The following ZNF521 variants were observed in gnomAD, a reference collection of about 807,000 sequenced individuals.
ZNF521 encodes LYST-interacting protein 3.
Under a neutral mutation model 105.5 loss-of-function variants are expected in ZNF521, and 14 were observed. The observed-to-expected ratio is 0.13, with a 90% confidence interval of 0.09 to 0.21. The LOEUF (loss-of-function observed/expected upper bound fraction) is 0.21. Ranked by LOEUF, ZNF521 falls within the 10% of genes least tolerant of loss-of-function variation. The probability of loss-of-function intolerance (pLI) is 1.00; values close to 1 mark genes in which losing one functional copy is unlikely to be tolerated. For missense variants in ZNF521, 1,233 were observed against 1,629.7 expected (o/e 0.76, Z 4.19); for synonymous variants, 635 against 606.0 (o/e 1.05, Z -0.70).
intron 3 of ZNF521, among the ~76,000 whole-genome samples, chr18:25,249,449 G>A (rs1465641373): frequency 1.3e-5 from 2 of 148,822 alleles, no homozygotes; most frequent in Non-Finnish European, 1.5e-5. Flanking sequence ...GAGCCACCAC[G>A]CCGGGCCTTT....
At chr18:25,147,045 C>T (rs1182147870) in intron 5 of ZNF521, among the ~76,000 whole-genome samples, 1 of 152,142 alleles carries the variant, frequency 6.6e-6, no homozygotes, top group Admixed American at 6.6e-5. Flanking sequence ...TTTTCTTCTT[C>T]TGAAAGTTTG....
intron 6 of ZNF521, 88 bp downstream of exon 6, chr18:25,091,862 G>T (rs967971868): frequency 2.0e-6 from 3 of 1,497,310 alleles, no homozygotes; most frequent in African/African-American, 2.8e-5. Flanking sequence ...TCTGTAAAAG[G>T]CCATAGCAGT....
At chr18:25,313,292 C>T (rs1912422577) in intron 3 of ZNF521, among the ~76,000 whole-genome samples, 1 of 151,684 alleles carries the variant, frequency 6.6e-6, no homozygotes, top group South Asian at 2.1e-4. Flanking sequence ...CTAATTCATG[C>T]AAAATCCTCA....
intron 3 of ZNF521, among the ~76,000 whole-genome samples, chr18:25,321,248 A>G (rs1029030746): frequency 6.6e-6 from 1 of 152,238 alleles, no homozygotes; most frequent in Non-Finnish European, 1.5e-5. Flanking sequence ...TGCCCTACCC[A>G]GGCTCAGAGA....
chr18:25,117,878 G>C (rs1168641078), intron 5 of ZNF521, among the ~76,000 whole-genome samples: 1 of 151,988 alleles, frequency 6.6e-6, no homozygotes, highest in Admixed American at 6.6e-5. Flanking sequence ...CAACTCTACA[G>C]ACTCATGAAT....
chr18:25,093,263 A>C (rs2033785636), intron 5 of ZNF521, among the ~76,000 whole-genome samples: 1 of 152,150 alleles, frequency 6.6e-6, no homozygotes, highest in Non-Finnish European at 1.5e-5. Context: ...ATGGTGGAGC[A>C]CACACCCACT....
intron 2 of ZNF521, among the ~76,000 whole-genome samples, chr18:25,347,666 C>T (rs1396590953): frequency 1.3e-5 from 2 of 152,144 alleles, no homozygotes; most frequent in East Asian, 3.8e-4. Context: ...ATAATTATTC[C>T]TTCAGGGTAC....
In ZNF521 at chr18:25,335,677, T is replaced by C. The variant is rs1913834502; in HGVS notation, c.41-13490A>G. Among the ~76,000 whole-genome samples, 6 of 152,332 alleles carry C rather than the reference T, an allele frequency of 3.9e-5. No individual in the cohort carries two copies. The South Asian group carries it at 1.0e-3, about 26-fold the overall frequency. On this transcript the variant is annotated intron_variant, in intron 2 of 7. Coordinates refer to ENST00000361524, the MANE Select transcript of ZNF521 (RefSeq NM_015461.3). Reference sequence around the variant, plus strand: ...TCTCTCACTTCATTTAGCATTAAGGTTGAAGAAAAAAGTATAAATGGCTAT... The same window carrying C: ...TCTCTCACTTCATTTAGCATTAAGGCTGAAGAAAAAAGTATAAATGGCTAT...
intron 7 of ZNF521, among the ~76,000 whole-genome samples, chr18:25,064,335 T>C (rs4366790): frequency 0.99 from 150,231 of 152,360 alleles, 74,096 homozygotes; most frequent in East Asian, 1. Context: ...GGATCCAGCA[T>C]ACTGACAGCC....
At chr18:25,216,670 C>T (rs1905345147) in intron 4 of ZNF521, among the ~76,000 whole-genome samples, 1 of 152,146 alleles carries the variant, frequency 6.6e-6, no homozygotes, top group Admixed American at 6.5e-5. Flanking sequence ...GCAATCCTCC[C>T]ACTTCAGCCT....
chr18:25,336,766 C>T (rs1174423759), intron 2 of ZNF521, among the ~76,000 whole-genome samples: 1 of 152,102 alleles, frequency 6.6e-6, no homozygotes. Flanking sequence ...CATAAAAATT[C>T]CCAATCTTCA....
chr18:25,069,156 A>G (rs4609930), intron 7 of ZNF521, among the ~76,000 whole-genome samples: 150,192 of 152,324 alleles, frequency 0.99, 74,077 homozygotes, highest in East Asian at 1. Context: ...TTCAATACAT[A>G]TTCTATTAAA....
At chr18:25,070,041 C>T (rs1288106279) in intron 7 of ZNF521, among the ~76,000 whole-genome samples, 2 of 152,148 alleles carry the variant, frequency 1.3e-5, no homozygotes, top group Admixed American at 6.5e-5. Context: ...CATCTCAAAG[C>T]ATTTTCTGGA....
In ZNF521 at chr18:25,225,366, A is replaced by G; in HGVS notation, c.2552T>C (p.Val851Ala). Residue 851 changes from valine to alanine, a missense_variant, in exon 4 of 8, where the codon GTG becomes GCG. Val to Ala is a moderately conservative substitution (Grantham distance 64). This residue lies in a region of ZNF521 where 614 missense variants were observed against 751.5 expected (regional missense o/e 0.82). Transcript: ENST00000361524. This position sits in a 1 kb window ranked among gnomAD's most constrained non-coding sequence, Gnocchi z 5.6. ...CTGCAGCTCCACTTCCTCTTTCTGC[A>G]CTTGCTCGGAAGCTCCATTTGTTCC... is the stretch of plus-strand genomic sequence containing the variant. ...NCGTNGASEQVQKEEVELQTL... is the reference protein window; with the variant it reads ...NCGTNGASEQAQKEEVELQTL... The G allele has an allele frequency of 6.2e-7, 1 of 1,614,132 alleles. No individual in the cohort carries two copies. Among genetic ancestry groups the G allele is most frequent in the Non-Finnish European group, 8.5e-7 (1 of 1,180,020 alleles).
chr18:25,295,847 T>C (rs1568062169), intron 3 of ZNF521, among the ~76,000 whole-genome samples: 1 of 152,222 alleles, frequency 6.6e-6, no homozygotes, highest in African/African-American at 2.4e-5. Context: ...AGAGTTTACA[T>C]ATCCTTAAAC....
At chr18:25,204,342 T>C (rs2036043018) in intron 4 of ZNF521, among the ~76,000 whole-genome samples, 1 of 152,104 alleles carries the variant, frequency 6.6e-6, no homozygotes, top group Non-Finnish European at 1.5e-5. Flanking sequence ...TTAGATAAAA[T>C]AGTATTAAAA....
chr18:25,165,968 T>C (rs2035333594), intron 5 of ZNF521, among the ~76,000 whole-genome samples: 1 of 152,200 alleles, frequency 6.6e-6, no homozygotes, highest in Non-Finnish European at 1.5e-5. Context: ...GTGTGTTTAA[T>C]TGGCTTAAAT....
intron 3 of ZNF521, among the ~76,000 whole-genome samples, chr18:25,248,665 TAATTA>T (rs1907901899): frequency 6.6e-6 from 1 of 152,210 alleles, no homozygotes; most frequent in Admixed American, 6.5e-5. Flanking sequence ...CCCACTTACT[TAATTA>T]GTCATTAATA....
intron 5 of ZNF521, among the ~76,000 whole-genome samples, chr18:25,105,750 GA>G: frequency 6.6e-6 from 1 of 152,118 alleles, no homozygotes; most frequent in Non-Finnish European, 1.5e-5. Context: ...CCAGATTAGA[GA>G]AAAGAAAACA....
Sources: gnomAD v4.1 joint callset for allele counts (sites outside exome capture counted in the v4.1 genomes callset) on GRCh38, gnomAD v4.1.1 for gene constraint, gnomAD v4.1.1 regional missense constraint, Gnocchi (gnomAD v3.1) non-coding constraint, MANE v1.5 for transcripts, NCBI Gene and HGNC (gene_info 2026-07-23, HGNC 2026-07-21) for gene names.